Variants in THSD7B observed in about 807,000 individuals in gnomAD.
The protein encoded by THSD7B is thrombospondin type 1 domain containing 7B.
A neutral mutation model predicts 213.6 loss-of-function variants in THSD7B; 138 were observed. The observed-to-expected ratio is 0.65, with a 90% CI of 0.56 to 0.74. The LOEUF (loss-of-function observed/expected upper bound fraction) is 0.74. Among genes scored for constraint, THSD7B ranks in the 30% least tolerant of loss-of-function variants. The pLI is 0.00. For synonymous variants in THSD7B, 742 were observed against 687.0 expected (o/e 1.08, Z -1.25); for missense variants, 1,931 against 1,991.5 (o/e 0.97, Z 0.58).
intron 5 of THSD7B, among the ~76,000 whole-genome samples, chr2:137,141,825 C>G (rs1679593174): frequency 6.6e-6 from 1 of 152,082 alleles, no homozygotes; most frequent in African/African-American, 2.4e-5. Context: ...TGCCCCACAC[C>G]TGGTACTCAC....
intron 12 of THSD7B, among the ~76,000 whole-genome samples, chr2:137,393,589 T>A (rs1014808447): frequency 6.8e-6 from 1 of 147,250 alleles, no homozygotes; most frequent in Non-Finnish European, 1.5e-5. Flanking sequence ...GTTCCAAGTC[T>A]TTGCTATTGT....
chr2:137,151,637 C>G (rs990800934), intron 5 of THSD7B, among the ~76,000 whole-genome samples: 6 of 152,050 alleles, frequency 3.9e-5, no homozygotes, highest in African/African-American at 1.4e-4. Flanking sequence ...AAGGAGTACA[C>G]TCTAACAATA....
chr2:137,192,395 A>G (rs1281985078), intron 7 of THSD7B, among the ~76,000 whole-genome samples: 1 of 152,158 alleles, frequency 6.6e-6, no homozygotes, highest in East Asian at 1.9e-4. Context: ...TTCATGATCA[A>G]TCATGAATGT....
At chr2:136,940,987 T>G (rs1684817479) in intron 2 of THSD7B, among the ~76,000 whole-genome samples, 2 of 151,968 alleles carry the variant, frequency 1.3e-5, no homozygotes, top group African/African-American at 4.8e-5. Flanking sequence ...GTATTTCTCC[T>G]AATGCTATCC....
intron 10 of THSD7B, among the ~76,000 whole-genome samples, chr2:137,251,899 A>G (rs1408077961): frequency 1.3e-5 from 2 of 152,180 alleles, no homozygotes; most frequent in African/African-American, 4.8e-5. Flanking sequence ...GAAATGTGTG[A>G]CAAGCACCTA....
intron 1 of THSD7B, among the ~76,000 whole-genome samples, chr2:136,791,947 A>G (rs1681972164): frequency 6.6e-6 from 1 of 152,016 alleles, no homozygotes; most frequent in Non-Finnish European, 1.5e-5. Context: ...AACCTTTTGA[A>G]GAATTATCAG....
intron 15 of THSD7B, among the ~76,000 whole-genome samples, chr2:137,482,187 CAAAAA>C (rs5834555): frequency 4.5e-5 from 6 of 132,640 alleles, no homozygotes; most frequent in Admixed American, 7.6e-5. Context: ...CCCTCCCCAC[CAAAAA>C]AAAAAAAAAA....
intron 1 of THSD7B, among the ~76,000 whole-genome samples, chr2:136,853,530 T>C (rs1224180745): frequency 6.6e-6 from 1 of 152,178 alleles, no homozygotes; most frequent in African/African-American, 2.4e-5. Flanking sequence ...ACCCATCCAA[T>C]ACTGGTGATG....
chr2:137,150,265 A>T (rs1174031238), intron 5 of THSD7B, among the ~76,000 whole-genome samples: 1 of 146,780 alleles, frequency 6.8e-6, no homozygotes, highest in Non-Finnish European at 1.5e-5. Flanking sequence ...AAAGAAAAAG[A>T]AAAAGAAAGA....
chr2:137,547,737 C>T (rs1680769105), intron 15 of THSD7B, among the ~76,000 whole-genome samples: 1 of 151,812 alleles, frequency 6.6e-6, no homozygotes, highest in African/African-American at 2.4e-5. Flanking sequence ...TGATAGTCCT[C>T]CTTTTGTTCT....
chr2:137,453,211 G>A (rs138576626), intron 15 of THSD7B, among the ~76,000 whole-genome samples: 67 of 151,952 alleles, frequency 4.4e-4, no homozygotes, highest in African/African-American at 1.2e-3. Context: ...GACAATATGC[G>A]GGGTACAAAA....
At chr2:137,377,993 A>G (rs1242935853) in intron 12 of THSD7B, among the ~76,000 whole-genome samples, 2 of 152,166 alleles carry the variant, frequency 1.3e-5, no homozygotes, top group Non-Finnish European at 2.9e-5. Context: ...CGACCATCAC[A>G]TTAATTTCAC....
At chr2:136,816,511 C>A (rs1170754879) in intron 1 of THSD7B, among the ~76,000 whole-genome samples, 3 of 152,126 alleles carry the variant, frequency 2.0e-5, no homozygotes, top group Non-Finnish European at 4.4e-5. Flanking sequence ...TTTATTTACC[C>A]AATATCTCTG....
Position 137,469,768 on chromosome 2 carries a change from T to C in THSD7B, c.3138+18745T>C, listed in dbSNP as rs370118996. On this transcript the variant is annotated intron_variant, in intron 15 of 27. Coordinates refer to ENST00000409968, the MANE Select transcript of THSD7B (RefSeq NM_001316349.2). ...CAGGTGATAACGTTCTGCTCTATTT[T>C]ACTTTGTGATGAACCAAAGAGCACC... Among the ~76,000 whole-genome samples the C allele has an allele frequency of 1.8e-4, 27 of 152,342 alleles. 1 individual carries two copies. The South Asian group carries it at 5.6e-3, about 32-fold the overall frequency.
chr2:137,047,986 G>A (rs941310576), intron 2 of THSD7B, among the ~76,000 whole-genome samples: 2 of 152,040 alleles, frequency 1.3e-5, no homozygotes, highest in Non-Finnish European at 2.9e-5. Flanking sequence ...GTATACACAT[G>A]CCATGGTGGT....
At chr2:137,479,857 G>T (rs554208701) in intron 15 of THSD7B, among the ~76,000 whole-genome samples, 1 of 152,236 alleles carries the variant, frequency 6.6e-6, no homozygotes, top group South Asian at 2.1e-4. Flanking sequence ...TCAGAGTTTT[G>T]TGGGACTCAG....
In THSD7B at chr2:137,304,237, A is replaced by G. The variant is rs1573946684; in HGVS notation, c.2500+28211A>G. On this transcript the variant is annotated intron_variant, in intron 12 of 27. Coordinates refer to ENST00000409968, the MANE Select transcript of THSD7B (RefSeq NM_001316349.2). ...AATACTTGGACAAATGTCCCCTAAA[A>G]ATCAGATTGCACCACTAATGTCTAA... 3.3e-5 allele frequency among the ~76,000 whole-genome samples: 5 copies of G among 152,084 alleles called. No individual in the cohort carries two copies. The South Asian group carries it at 1.0e-3, about 32-fold the overall frequency.
At chr2:137,005,835 G>A (rs4144309) in intron 2 of THSD7B, among the ~76,000 whole-genome samples, 77,791 of 152,004 alleles carry the variant, frequency 0.51, 21,829 homozygotes, top group East Asian at 0.74. Flanking sequence ...TAAGTCATTG[G>A]CTCAAATTAC....
At position 137,412,881 on chromosome 2, in the gene THSD7B, TTTTC is replaced by T. The variant is rs1312050266; in HGVS notation, c.2959+1021_2959+1024del. Among the ~76,000 whole-genome samples, 8 of 147,954 alleles carry T rather than the reference TTTTC, an allele frequency of 5.4e-5. No homozygotes were observed. In the East Asian group the frequency reaches 1.4e-3, roughly 25 times the overall value. On this transcript the variant is annotated intron_variant, in intron 14 of 27. Transcript: ENST00000409968. Reference sequence around the variant, plus strand: ...GGAGCCTCTGAATTTCCTGCTCTGTTTTTCTTTCTTTCTTTTTTTTTTTTTACTA... The same window carrying T: ...GGAGCCTCTGAATTTCCTGCTCTGTTTTTCTTTCTTTTTTTTTTTTTACTA...
Sources: gnomAD v4.1 joint callset for allele counts (sites outside exome capture counted in the v4.1 genomes callset) on GRCh38, gnomAD v4.1.1 for gene constraint, MANE v1.5 for transcripts, NCBI Gene and HGNC (gene_info 2026-07-23, HGNC 2026-07-21) for gene names.